MIER2: variants seen among roughly 807,000 people sequenced by gnomAD.
MIER2 encodes MIER family member 2, also known as mesoderm induction early response protein 2.
Under a neutral mutation model 67.6 loss-of-function variants are expected in MIER2, and 30 were observed. The observed-to-expected ratio is 0.44, with a 90% CI of 0.33 to 0.60. The LOEUF (loss-of-function observed/expected upper bound fraction) is 0.60. Among genes scored for constraint, MIER2 ranks in the 20% least tolerant of loss-of-function variants. The pLI is 0.02. For synonymous variants in MIER2, 372 were observed against 312.6 expected (o/e 1.19, Z -2.00); for missense variants, 702 against 745.1 (o/e 0.94, Z 0.67).
At chr19:344,060 C>A (rs1327927878) in intron 1 of MIER2, 63 of 985,450 alleles carry the variant, frequency 6.4e-5, no homozygotes, top group Non-Finnish European at 7.3e-5. Context: ...TGGTCCCAAA[C>A]ATTTCAGATA....
chr19:313,534 C>T lies in MIER2; in HGVS notation c.765G>A (p.Gly255=). The change falls in exon 8 of 14, where the codon GGG becomes GGA. Residue 255 remains glycine (G), a synonymous_variant. Transcript: ENST00000264819. ...CGGCTTCTCCCTCTGGGAGCTGAGG[C>T]CCGGCCATCTCGTGCCAACGCCGCT... The part of the protein sequence containing the change: ...AVKRRWHEMA[G]PQLPEGEAVK... The T allele has an allele frequency of 6.2e-7, 1 of 1,612,994 alleles. No individual in the cohort carries two copies. Among genetic ancestry groups the T allele is most frequent in the Non-Finnish European group, 8.5e-7 (1 of 1,179,926 alleles).
chr19:334,535 G>A lies in MIER2; in HGVS notation c.108C>T (p.Ser36=), dbSNP rs1194770606. Residue 36 remains serine (S), a synonymous_variant, in exon 3 of 14, where the codon TCC becomes TCT. Coordinates refer to ENST00000264819, the MANE Select transcript of MIER2 (RefSeq NM_017550.3). ...TGAACTGATGGTCTCCAGAGCCCAT[G>A]GACACCACTGGGGAGAAGAGAGCAG... ...EPGLQTTAVV[S]MGSGDHQFNL... The A allele has an allele frequency of 1.2e-6, 2 of 1,613,830 alleles. No individual in the cohort carries two copies. The highest frequency in any genetic ancestry group is 4.5e-5 in the East Asian group (2 of 44,878).
At chr19:339,096 A>AC (rs35245593) in intron 1 of MIER2, among the ~76,000 whole-genome samples, 2 of 151,414 alleles carry the variant, frequency 1.3e-5, no homozygotes, top group African/African-American at 4.9e-5. Flanking sequence ...AAAAAAAAAA[A>AC]CCAAATGGAT....
intron 4 of MIER2, 100 bp from the exon 5 acceptor site, chr19:327,356 G>T: frequency 7.2e-7 from 1 of 1,383,426 alleles, no homozygotes. Context: ...GTGCCCTGAG[G>T]CTCACATGGG....
At chr19:321,165 T>C (rs927645140) in intron 7 of MIER2, among the ~76,000 whole-genome samples, 1 of 152,200 alleles carries the variant, frequency 6.6e-6, no homozygotes, top group Non-Finnish European at 1.5e-5. Context: ...TGCTGGCGCC[T>C]GACCGTAAAG....
rs576828376 is a variant in MIER2, at chr19:344,010, G to A, written c.9+764C>T. Reference sequence around the variant, plus strand: ...AAACATCACAGTCCAAAATCCCACAGATCCTCAAATTGGAAAAATTCTGGA... The same window carrying A: ...AAACATCACAGTCCAAAATCCCACAAATCCTCAAATTGGAAAAATTCTGGA... On this transcript the variant is annotated intron_variant, in intron 1 of 13. Transcript: ENST00000264819. 17 of 985,454 alleles carry A rather than the reference G, an allele frequency of 1.7e-5. No individual in the cohort carries two copies. In the East Asian group the frequency reaches 1.9e-3, roughly 112 times the overall value. 61.0% of individuals were successfully genotyped at this position (985,454 alleles called of 1,614,324 possible). A position where few individuals can be genotyped will look rare whatever the true frequency, so the allele number is the denominator to read the frequency against.
chr19:316,263 T>C (rs1447152092), intron 7 of MIER2, among the ~76,000 whole-genome samples: 2 of 152,134 alleles, frequency 1.3e-5, no homozygotes, highest in African/African-American at 4.8e-5. Flanking sequence ...GTTCACTGTT[T>C]AAAACAACAA....
At chr19:324,727 G>A (rs935745736) in intron 7 of MIER2, among the ~76,000 whole-genome samples, 5 of 152,346 alleles carry the variant, frequency 3.3e-5, no homozygotes, top group African/African-American at 2.4e-5. Flanking sequence ...GGGCCAGCTG[G>A]CATCCCATGG....
chr19:329,279 A>G (rs1265615606), intron 3 of MIER2, among the ~76,000 whole-genome samples: 1 of 152,162 alleles, frequency 6.6e-6, no homozygotes, highest in Non-Finnish European at 1.5e-5. Flanking sequence ...GTTCTCTCAC[A>G]GGACCCCGTG....
In MIER2 at chr19:344,437, G is replaced by A. The variant is rs933352871; in HGVS notation, c.9+337C>T. ...GGCCGGGAACCGGAGCCGGACCCTGGAACGGAGCCGCGCGCCCACCGGACC... is the reference window on the plus strand; with the variant it reads ...GGCCGGGAACCGGAGCCGGACCCTGAAACGGAGCCGCGCGCCCACCGGACC... On this transcript the variant is annotated intron_variant, in intron 1 of 13. Transcript: ENST00000264819. The A allele has an allele frequency of 2.2e-4, 207 of 952,806 alleles. No homozygotes were observed. In the African/African-American group the frequency reaches 3.3e-3, roughly 15 times the overall value. 59.0% of individuals were successfully genotyped at this position (952,806 alleles called of 1,614,324 possible).
intron 10 of MIER2, among the ~76,000 whole-genome samples, chr19:311,478 G>A (rs1198285905): frequency 6.6e-6 from 1 of 152,196 alleles, no homozygotes; most frequent in Non-Finnish European, 1.5e-5. Flanking sequence ...TGGTCTCCAG[G>A]TGTCAGGGGT....
rs985142372 is a variant in MIER2 at position 344,108 on chromosome 19, C to T, written c.9+666G>A. 53 of 985,428 alleles carry T rather than the reference C, an allele frequency of 5.4e-5. No individual in the cohort carries two copies. The Admixed American group carries it at 2.9e-3, about 55-fold the overall frequency. The allele number at this position is 985,428 out of a possible 1,614,324, so 61.0% of individuals were successfully genotyped here. A position where few individuals can be genotyped will look rare whatever the true frequency, so the allele number is the denominator to read the frequency against. On this transcript the variant is annotated intron_variant, in intron 1 of 13. Coordinates refer to ENST00000264819, the MANE Select transcript of MIER2 (RefSeq NM_017550.3). ...CTTGTTTCCTGGACGAGGGAGGAGG[C>T]TCCAGAAGTAACTTCGTGCCCGGGA...
intron 1 of MIER2, among the ~76,000 whole-genome samples, 154 bp downstream of exon 1, chr19:344,620 C>T (rs888088069): frequency 3.4e-5 from 5 of 147,904 alleles, no homozygotes; most frequent in African/African-American, 7.3e-5. Context: ...GCCCCGCGCC[C>T]CTCCGGCCCC....
At chr19:313,441 C>T in intron 8 of MIER2, 51 bp downstream of exon 8, 1 of 1,586,218 alleles carries the variant, frequency 6.3e-7, no homozygotes, top group Non-Finnish European at 8.5e-7. Context: ...GAGCTCTGGC[C>T]CACGCCACGG....
At chr19:331,214 C>CA in intron 3 of MIER2, among the ~76,000 whole-genome samples, 1 of 152,038 alleles carries the variant, frequency 6.6e-6, no homozygotes, top group Non-Finnish European at 1.5e-5. Flanking sequence ...ACAAGTTAGC[C>CA]AGGCATGGTG....
Position 334,444 on chromosome 19 carries a change from G to C in MIER2, c.199C>G (p.Pro67Ala). ...RGECEEASRC[P>A]DKPKEELEKD... ...TCCAGCTCCTCCTTGGGCTTGTCTGGGCACCTCGAGGCCTCCTCGCACTCC... is the reference window on the plus strand; with the variant it reads ...TCCAGCTCCTCCTTGGGCTTGTCTGCGCACCTCGAGGCCTCCTCGCACTCC... Residue 67 changes from proline to alanine, a missense_variant, in exon 3 of 14, where the codon CCA becomes GCA. Coordinates refer to ENST00000264819, the MANE Select transcript of MIER2 (RefSeq NM_017550.3). The C allele has an allele frequency of 6.2e-7, 1 of 1,614,156 alleles. No homozygotes were observed. Among genetic ancestry groups the C allele is most frequent in the Non-Finnish European group, 8.5e-7 (1 of 1,180,024 alleles).
At position 313,569 on chromosome 19, in the gene MIER2, T is replaced by C. The variant is rs767885212; in HGVS notation, c.730A>G (p.Arg244Gly). 6.2e-7 allele frequency: 1 copy of C among 1,613,376 alleles called. No homozygotes were observed. Among genetic ancestry groups the C allele is most frequent in the Non-Finnish European group, 8.5e-7 (1 of 1,179,962 alleles). The part of the protein sequence containing the change: ...PEREVEEFLY[R>G]AVKRRWHEMA... ...TCGTGCCAACGCCGCTTCACCGCCCTGTACAGGAACTCCTCCACCTCCCTC... is the reference window on the plus strand; with the variant it reads ...TCGTGCCAACGCCGCTTCACCGCCCCGTACAGGAACTCCTCCACCTCCCTC... The change falls in exon 8 of 14, where the codon AGG becomes GGG. Residue 244 changes from arginine to glycine, a missense_variant. Arg to Gly is a moderately radical substitution (Grantham distance 125). Transcript: ENST00000264819.
chr19:334,496 G>A lies in MIER2; in HGVS notation c.147C>T (p.Ile49=), dbSNP rs1441582208. 1.2e-6 allele frequency: 2 copies of A among 1,614,134 alleles called. No individual in the cohort carries two copies. Among genetic ancestry groups the A allele is most frequent in the South Asian group, 1.1e-5 (1 of 91,076 alleles). The change falls in exon 3 of 14, where the codon ATC becomes ATT. Residue 49 remains isoleucine, a synonymous_variant. Transcript: ENST00000264819. ...SGDHQFNLAE[I]LSQNYSVRGE... The stretch of plus-strand genomic sequence containing the variant: ...CCCTAACACTGTAGTTCTGTGACAG[G>A]ATCTCTGCGAGGTTGAACTGATGGT...
In MIER2 at chr19:334,388, T is replaced by G. The variant is rs1972147476; in HGVS notation, c.243+12A>C. 2.5e-6 allele frequency: 4 copies of G among 1,613,960 alleles called. No homozygotes were observed. The highest frequency in any genetic ancestry group is 3.4e-6 in the Non-Finnish European group (4 of 1,179,910). ...CACCCAACACAGGGGCAGGATCACC[T>G]TGGCCAAGTACCTGGGAGATGAAGT... On this transcript the variant is annotated intron_variant, in intron 3 of 13. Coordinates refer to ENST00000264819, the MANE Select transcript of MIER2 (RefSeq NM_017550.3).
Sources: gnomAD v4.1 joint callset for allele counts (sites outside exome capture counted in the v4.1 genomes callset) on GRCh38, gnomAD v4.1.1 for gene constraint, MANE v1.5 for transcripts, NCBI Gene and HGNC (gene_info 2026-07-23, HGNC 2026-07-21) for gene names.